Variants in DNAH11 observed in about 807,000 individuals in gnomAD.
DNAH11 encodes the protein axonemal beta dynein heavy chain 11.
Under a neutral mutation model 526.0 loss-of-function variants are expected in DNAH11, and 442 were observed. That is an observed-to-expected ratio of 0.84 (90% CI 0.78 to 0.91). The LOEUF is 0.91. DNAH11 is among the 40% of genes least tolerant of loss of function. DNAH11 has a pLI of 0.00. For synonymous variants in DNAH11, 2,461 were observed against 1,935.9 expected (o/e 1.27, Z -7.12); for missense variants, 6,989 against 5,448.7 (o/e 1.28, Z -8.90).
intron 25 of DNAH11, among the ~76,000 whole-genome samples, chr7:21,631,447 C>A (rs1004542115): frequency 2.0e-5 from 3 of 152,188 alleles, no homozygotes; most frequent in South Asian, 2.1e-4. Context: ...TGAGACAAGG[C>A]AAGTCCCTTC....
At chr7:21,727,174 C>A (rs1452968273) in intron 45 of DNAH11, among the ~76,000 whole-genome samples, 1 of 151,840 alleles carries the variant, frequency 6.6e-6, no homozygotes, top group Non-Finnish European at 1.5e-5. Flanking sequence ...ACCTCGTGAT[C>A]CGCCCACCTC....
At chr7:21,814,403 T>C (rs562730373) in intron 63 of DNAH11, among the ~76,000 whole-genome samples, 17 of 151,868 alleles carry the variant, frequency 1.1e-4, no homozygotes, top group African/African-American at 4.1e-4. Flanking sequence ...TTAGGGTACA[T>C]GTGCACATTG....
At chr7:21,896,852 A>G (rs754283504) in intron 79 of DNAH11, among the ~76,000 whole-genome samples, 7 of 152,178 alleles carry the variant, frequency 4.6e-5, no homozygotes, top group Non-Finnish European at 7.3e-5. Context: ...TGAGCCCAGG[A>G]GTTCGAAGCC....
chr7:21,690,760 G>C lies in DNAH11; in HGVS notation c.5925-5G>C. On this transcript the variant is annotated splice_region_variant and splice_polypyrimidine_tract_variant and intron_variant, in intron 34 of 81. Coordinates refer to ENST00000409508, the MANE Select transcript of DNAH11 (RefSeq NM_001277115.2). ...TTAATTTCATCAACATTCTTTTTAT[G>C]GTAGATTTGTATTTCTTGGGGAAGC... is the stretch of plus-strand genomic sequence containing the variant. 6.3e-7 allele frequency: 1 copy of C among 1,588,490 alleles called. No individual in the cohort carries two copies. Among genetic ancestry groups the C allele is most frequent in the Non-Finnish European group, 8.6e-7 (1 of 1,161,300 alleles).
chr7:21,547,489 G>T (rs1291134313), intron 2 of DNAH11, among the ~76,000 whole-genome samples: 2 of 152,198 alleles, frequency 1.3e-5, no homozygotes, highest in East Asian at 3.8e-4. Flanking sequence ...CCCTCTCCCA[G>T]TTCCTCAGTG....
chr7:21,610,710 GA>G (rs143156710), intron 20 of DNAH11, among the ~76,000 whole-genome samples: 18 of 148,192 alleles, frequency 1.2e-4, no homozygotes, highest in Non-Finnish European at 2.1e-4. Flanking sequence ...ATACAGTTGT[GA>G]AAAAAAAAAT....
chr7:21,807,133 G>A (rs1333974360), intron 62 of DNAH11, among the ~76,000 whole-genome samples: 2 of 152,180 alleles, frequency 1.3e-5, no homozygotes, highest in African/African-American at 4.8e-5. Context: ...GTTAAAAATA[G>A]GTAAGTAAAT....
Position 21,570,141 on chromosome 7 carries a change from G to A in DNAH11, c.1267G>A (p.Ala423Thr). ...IEESLEKVQV[A>T]VNILKTFKNS... ...AGAGTCACTGGAAAAGGTGCAGGTGGCTGTTAACATCTTAAAGACTTTCAA... is the reference window on the plus strand; with the variant it reads ...AGAGTCACTGGAAAAGGTGCAGGTGACTGTTAACATCTTAAAGACTTTCAA... The change falls in exon 7 of 82, where the codon GCT (alanine) becomes ACT (threonine). Residue 423 changes from alanine (A) to threonine (T), a missense_variant. Physicochemically the swap from Ala to Thr is moderately conservative, Grantham distance 58. Transcript: ENST00000409508. 6.2e-7 allele frequency: 1 copy of A among 1,613,284 alleles called. No individual in the cohort carries two copies. The highest frequency in any genetic ancestry group is 2.2e-5 in the East Asian group (1 of 44,830).
At chr7:21,605,873 G>C (rs1354391759) in intron 18 of DNAH11, among the ~76,000 whole-genome samples, 3 of 152,150 alleles carry the variant, frequency 2.0e-5, no homozygotes, top group African/African-American at 7.2e-5. Context: ...TCTGAGATGA[G>C]AACAATTCTG....
At position 21,589,407 on chromosome 7, in the gene DNAH11, G is replaced by A. The variant is rs768151384; in HGVS notation, c.2169+4G>A. On this transcript the variant is annotated splice_donor_region_variant and intron_variant, in intron 12 of 81. Coordinates refer to ENST00000409508, the MANE Select transcript of DNAH11 (RefSeq NM_001277115.2). ...CTGTGTCAATTTTGACCCAAAGGTA[G>A]GGATTTGATTTTTTAAGATGATTTA... 5.0e-6 allele frequency: 8 copies of A among 1,590,224 alleles called. No individual in the cohort carries two copies. The highest frequency in any genetic ancestry group is 1.2e-5 in the South Asian group (1 of 85,938).
intron 30 of DNAH11, among the ~76,000 whole-genome samples, chr7:21,675,806 CAAAG>C (rs1215166477): frequency 6.6e-6 from 1 of 151,570 alleles, no homozygotes; most frequent in Non-Finnish European, 1.5e-5. Flanking sequence ...GTGGAGGAGA[CAAAG>C]AAATACATGA....
At chr7:21,603,586 G>C (rs1254537603) in intron 18 of DNAH11, among the ~76,000 whole-genome samples, 1 of 152,170 alleles carries the variant, frequency 6.6e-6, no homozygotes. Context: ...TAAAGACTAT[G>C]AGAATTACTG....
chr7:21,759,586 G>C (rs1030496096), intron 54 of DNAH11, among the ~76,000 whole-genome samples: 1 of 152,222 alleles, frequency 6.6e-6, no homozygotes, highest in South Asian at 2.1e-4. Context: ...AAAATACTGA[G>C]GCTTTTGAGG....
intron 55 of DNAH11, among the ~76,000 whole-genome samples, chr7:21,766,656 ATTGT>A (rs1453883912): frequency 6.6e-6 from 1 of 151,366 alleles, no homozygotes; most frequent in South Asian, 2.1e-4. Context: ...TACATATTTA[ATTGT>A]TTGTATGCAG....
chr7:21,667,292 T>C (rs967915984), intron 30 of DNAH11, among the ~76,000 whole-genome samples: 6 of 152,100 alleles, frequency 3.9e-5, no homozygotes, highest in African/African-American at 1.2e-4. Context: ...AAATATGTCT[T>C]GACTGAAGAG....
At chr7:21,894,552 G>C in intron 77 of DNAH11, 71 bp from the exon 78 acceptor site, 3 of 1,457,078 alleles carry the variant, frequency 2.1e-6, no homozygotes, top group Admixed American at 4.0e-5. Flanking sequence ...TCAAAAAGTA[G>C]AGGATATACA....
In DNAH11 at chr7:21,545,274, TAAAAAAA is replaced by T. The variant is rs10634177; in HGVS notation, c.495+141_495+147del. On this transcript the variant is annotated intron_variant, in intron 2 of 81. Coordinates refer to ENST00000409508, the MANE Select transcript of DNAH11 (RefSeq NM_001277115.2). ...GGGAAGGGAAGGGGATGGGGGTGGT[TAAAAAAA>T]AAAAAAAAAAAAAAAGCTTGTAGAA... The T allele has an allele frequency of 4.7e-3, 618 of 131,744 alleles. 5 individuals are homozygous for T. Among genetic ancestry groups the T allele is most frequent in the South Asian group, 0.046 (455 of 9,904 alleles). 8.2% of individuals were successfully genotyped at this position (131,744 alleles called of 1,614,324 possible). A position where few individuals can be genotyped will look rare whatever the true frequency, so the allele number is the denominator to read the frequency against.
At chr7:21,562,014 A>G (rs571655420) in intron 5 of DNAH11, among the ~76,000 whole-genome samples, 1 of 151,744 alleles carries the variant, frequency 6.6e-6, no homozygotes, top group South Asian at 2.1e-4. Flanking sequence ...AGAGGGCATA[A>G]GATAAGGAGG....
At chr7:21,895,769 G>T (rs1256920677) in intron 79 of DNAH11, among the ~76,000 whole-genome samples, 1 of 151,986 alleles carries the variant, frequency 6.6e-6, no homozygotes, top group Non-Finnish European at 1.5e-5. Context: ...TCACTCTCTC[G>T]CCCAGGCTGG....
Sources: gnomAD v4.1 joint callset for allele counts (sites outside exome capture counted in the v4.1 genomes callset) on GRCh38, gnomAD v4.1.1 for gene constraint, MANE v1.5 for transcripts, NCBI Gene and HGNC (gene_info 2026-07-23, HGNC 2026-07-21) for gene names.